The following EVL variants were observed in gnomAD, a reference collection of about 807,000 sequenced individuals.
EVL encodes the protein ena/VASP-like protein.
A neutral mutation model predicts 59.6 loss-of-function variants in EVL; 21 were observed. That is an observed-to-expected ratio of 0.35 (90% CI 0.25 to 0.51). EVL has a LOEUF of 0.51. Among genes scored for constraint, EVL ranks in the 20% least tolerant of loss-of-function variants. The pLI is 0.97. For missense variants in EVL, 462 were observed against 546.6 expected, an observed-to-expected ratio of 0.85 and a Z score of 1.54; for synonymous variants, 198 against 203.5, an observed-to-expected ratio of 0.97 and a Z score of 0.23.
intron 3 of EVL, among the ~76,000 whole-genome samples, chr14:100,103,741 G>C (rs1886380342): frequency 6.6e-6 from 1 of 152,126 alleles, no homozygotes; most frequent in Non-Finnish European, 1.5e-5. Context: ...TGTTGTGAGA[G>C]GCAGAGACAC....
intron 1 of EVL, among the ~76,000 whole-genome samples, chr14:100,071,989 A>G (rs1364439652): frequency 2.6e-5 from 4 of 152,186 alleles, no homozygotes; most frequent in Admixed American, 2.0e-4. Flanking sequence ...ATAATTACTA[A>G]GGGGAAAATA....
Position 100,108,760 on chromosome 14 carries a change from C to T in EVL, c.358+11102C>T, listed in dbSNP as rs989534899. The stretch of plus-strand genomic sequence containing the variant: ...GATGGAGCCTTTCCCAGCCGCCCCG[C>T]TCCCTGTGACTTTGCACTCCCTCCT... On this transcript the variant is annotated intron_variant, in intron 3 of 13. Coordinates refer to ENST00000392920, the MANE Select transcript of EVL (RefSeq NM_016337.3). This position sits in a 1 kb window ranked among gnomAD's most constrained non-coding sequence, Gnocchi z 4.1. Among the ~76,000 whole-genome samples the T allele has an allele frequency of 1.3e-5, 2 of 152,198 alleles. No homozygotes were observed. Among genetic ancestry groups the T allele is most frequent in the Non-Finnish European group, 2.9e-5 (2 of 68,040 alleles).
rs77839241 is a variant in EVL, at chr14:100,027,838, C to G, written c.5+55781C>G. 3.0e-4 allele frequency among the ~76,000 whole-genome samples: 46 copies of G among 152,220 alleles called. 1 individual carries two copies. The highest frequency in any genetic ancestry group is 1.1e-3 in the African/African-American group (46 of 41,562). On this transcript the variant is annotated intron_variant, in intron 1 of 13. Coordinates refer to the EVL transcript ENST00000402714. ...TACAGGCATGCGCCACTATGCCCAGCTAATTTTTGTATTTTTAGTAGAGGC... is the reference window on the plus strand; with the variant it reads ...TACAGGCATGCGCCACTATGCCCAGGTAATTTTTGTATTTTTAGTAGAGGC...
chr14:100,131,712 A>G (rs983904235), intron 7 of EVL, among the ~76,000 whole-genome samples: 3 of 152,214 alleles, frequency 2.0e-5, no homozygotes, highest in Non-Finnish European at 4.4e-5. Context: ...ACAGTCCAGG[A>G]AGAGATGATA....
intron 1 of EVL, among the ~76,000 whole-genome samples, chr14:99,994,316 T>C (rs569718456): frequency 2.3e-4 from 35 of 152,150 alleles, no homozygotes; most frequent in African/African-American, 8.2e-4. Context: ...TTAATAGTTT[T>C]TCTGTATGCC....
At chr14:100,062,150 A>T (rs2061846429), upstream of EVL, among the ~76,000 whole-genome samples, 1 of 151,804 alleles carries the variant, frequency 6.6e-6, no homozygotes, top group African/African-American at 2.4e-5. Context: ...AAAAAGAAAT[A>T]GTAGTATAAT....
chr14:100,091,619 C>T (rs755153893), intron 2 of EVL, among the ~76,000 whole-genome samples: 1 of 152,150 alleles, frequency 6.6e-6, no homozygotes, highest in South Asian at 2.1e-4. Context: ...CTTATCTGCC[C>T]ACTCATCTGT....
intron 1 of EVL, among the ~76,000 whole-genome samples, chr14:100,020,025 T>C (rs1466583873): frequency 6.6e-6 from 1 of 152,228 alleles, no homozygotes; most frequent in Non-Finnish European, 1.5e-5. Flanking sequence ...TCTCTTGCTA[T>C]CTTTTGTTTT....
In EVL at chr14:100,034,670, C is replaced by T. The variant is rs141788889; in HGVS notation, c.6-50017C>T. On this transcript the variant is annotated intron_variant, in intron 1 of 13. Transcript: ENST00000402714. ...AAAAGATCATGTGAGCCCAGAAATT[C>T]GAGGCTACAGTAAACAATGAGCATG... is the stretch of plus-strand genomic sequence containing the variant. Among the ~76,000 whole-genome samples, 290 of 151,868 alleles carry T rather than the reference C, an allele frequency of 1.9e-3. 2 individuals carry two copies. The highest frequency in any genetic ancestry group is 6.8e-3 in the Middle Eastern group (2 of 294).
At chr14:100,089,943 G>A (rs1364602830) in intron 2 of EVL, among the ~76,000 whole-genome samples, 1 of 151,890 alleles carries the variant, frequency 6.6e-6, no homozygotes, top group Non-Finnish European at 1.5e-5. Context: ...CAAAAAAAAA[G>A]CCCCAAAAAG....
chr14:100,009,761 AGTT>A (rs2061004790), intron 1 of EVL, among the ~76,000 whole-genome samples: 1 of 152,200 alleles, frequency 6.6e-6, no homozygotes, highest in Non-Finnish European at 1.5e-5. Context: ...GGTACAGCTT[AGTT>A]TTATATATTT....
chr14:100,125,851 G>T (rs866813146), intron 4 of EVL, among the ~76,000 whole-genome samples: 1 of 152,144 alleles, frequency 6.6e-6, no homozygotes, highest in African/African-American at 2.4e-5. Flanking sequence ...ACCACGCCCA[G>T]CCATTCCATA....
At chr14:100,061,906 A>C (rs2061841291), upstream of EVL, among the ~76,000 whole-genome samples, 1 of 151,970 alleles carries the variant, frequency 6.6e-6, no homozygotes, top group Non-Finnish European at 1.5e-5. Context: ...GAATAGGCTG[A>C]GGAGCAAGAG....
intron 1 of EVL, among the ~76,000 whole-genome samples, chr14:99,982,532 G>T (rs2060814031): frequency 6.6e-6 from 1 of 152,144 alleles, no homozygotes; most frequent in African/African-American, 2.4e-5. Context: ...CCAAAGGAAG[G>T]ACTTTGGAAA....
At chr14:100,129,768 C>G (rs961520232) in intron 7 of EVL, 84 bp downstream of exon 7, 3 of 1,430,816 alleles carry the variant, frequency 2.1e-6, no homozygotes, top group African/African-American at 2.9e-5. Flanking sequence ...AGAATCCTCT[C>G]TTGACCCCAG....
chr14:100,136,652 G>A (rs779551243), intron 9 of EVL, among the ~76,000 whole-genome samples: 2 of 152,170 alleles, frequency 1.3e-5, no homozygotes, highest in East Asian at 1.9e-4. Flanking sequence ...CTGTTCGCGT[G>A]TGTCTCTGGG....
intron 1 of EVL, among the ~76,000 whole-genome samples, chr14:99,997,898 A>G (rs1454233161): frequency 6.6e-6 from 1 of 152,362 alleles, no homozygotes; most frequent in African/African-American, 2.4e-5. Flanking sequence ...TAGAAATGCA[A>G]GGTTTGACTG....
intron 1 of EVL, among the ~76,000 whole-genome samples, chr14:99,996,564 G>A (rs1335151061): frequency 6.6e-6 from 1 of 152,060 alleles, no homozygotes; most frequent in Admixed American, 6.6e-5. Flanking sequence ...TACATGCCAG[G>A]CATTGTTCTA....
chr14:99,994,826 G>A (rs983555291), intron 1 of EVL, among the ~76,000 whole-genome samples: 6 of 152,114 alleles, frequency 3.9e-5, no homozygotes, highest in African/African-American at 1.2e-4. Context: ...TTCTAGTAGG[G>A]GAGGTTTAGT....
Sources: allele counts gnomAD v4.1 joint callset (sites outside exome capture counted in the v4.1 genomes callset), GRCh38; gene constraint gnomAD v4.1.1; non-coding constraint Gnocchi (gnomAD v3.1); transcripts MANE v1.5; gene names NCBI Gene and HGNC (gene_info 2026-07-23, HGNC 2026-07-21).